WNT7B: variants seen among roughly 807,000 people sequenced by gnomAD.
WNT7B encodes protein Wnt-7b.
A neutral mutation model predicts 38.2 loss-of-function variants in WNT7B; 19 were observed. The ratio of observed to expected loss-of-function variants is 0.50; its 90% CI spans 0.35 to 0.73. The LOEUF (loss-of-function observed/expected upper bound fraction) is 0.73, where lower values mean the gene tolerates loss of function less well. WNT7B is among the 30% of genes least tolerant of loss of function. The probability of loss-of-function intolerance (pLI) is 0.01; values close to 1 mark genes in which losing one functional copy is unlikely to be tolerated. For missense variants in WNT7B, 423 were observed against 507.9 expected, an observed-to-expected ratio of 0.83 and a Z score of 1.61; for synonymous variants, 243 against 209.3, an observed-to-expected ratio of 1.16 and a Z score of -1.39.
At chr22:45,937,092 C>T (rs1931532468) in intron 2 of WNT7B, among the ~76,000 whole-genome samples, 1 of 152,188 alleles carries the variant, frequency 6.6e-6, no homozygotes, top group Non-Finnish European at 1.5e-5. Flanking sequence ...CAGGAGTCTG[C>T]AGCCTCAGTG....
chr22:45,931,000 A>C (rs1931331121), intron 3 of WNT7B, 98 bp downstream of exon 3: 1 of 1,439,086 alleles, frequency 6.9e-7, no homozygotes, highest in Admixed American at 2.7e-5. Flanking sequence ...ACGGAGACTC[A>C]ACTGCTTCTG....
chr22:45,933,296 C>T (rs1384170229), intron 2 of WNT7B, among the ~76,000 whole-genome samples: 2 of 152,228 alleles, frequency 1.3e-5, no homozygotes, highest in Admixed American at 6.5e-5. Context: ...CTCTGAGCTG[C>T]AGGCAGCACA....
chr22:45,926,711 G>C (rs1407238497), intron 3 of WNT7B: 2 of 985,198 alleles, frequency 2.0e-6, no homozygotes, highest in African/African-American at 3.5e-5. Context: ...AGTAAGTGTG[G>C]CCCTGACCTG....
chr22:45,969,168 G>A (rs1434439686), intron 1 of WNT7B, among the ~76,000 whole-genome samples: 2 of 152,242 alleles, frequency 1.3e-5, no homozygotes, highest in Non-Finnish European at 2.9e-5. Context: ...GGTGGAGCCG[G>A]GAAGAGGCCT....
At chr22:45,970,693 C>A (rs1308159828) in intron 1 of WNT7B, among the ~76,000 whole-genome samples, 1 of 152,264 alleles carries the variant, frequency 6.6e-6, no homozygotes, top group Non-Finnish European at 1.5e-5. Context: ...AAGGCTGAAA[C>A]GCCAGGATTC....
intron 2 of WNT7B, 108 bp from the exon 3 acceptor site, chr22:45,931,477 AC>A (rs760922409): frequency 1.7e-5 from 23 of 1,324,570 alleles, no homozygotes; most frequent in Middle Eastern, 2.7e-4. Flanking sequence ...TGGTTGTGTG[AC>A]CCTGGGCTCA....
intron 1 of WNT7B, chr22:45,954,669 C>A: frequency 1.0e-6 from 1 of 985,200 alleles, no homozygotes; most frequent in African/African-American, 1.7e-5. Flanking sequence ...CAGGCTCCTG[C>A]ACTGTATTTT....
intron 3 of WNT7B, chr22:45,926,557 A>G (rs1931089846): frequency 1.0e-6 from 1 of 985,340 alleles, no homozygotes; most frequent in Admixed American, 6.1e-5. Context: ...TGACCAGCCC[A>G]GGAGCCTGGC....
intron 1 of WNT7B, among the ~76,000 whole-genome samples, chr22:45,959,237 G>A (rs560338107): frequency 1.3e-5 from 2 of 152,320 alleles, no homozygotes; most frequent in South Asian, 4.1e-4. Context: ...GCTGCAGGCT[G>A]GACAGGGGGT....
At position 45,922,783 on chromosome 22, in the gene WNT7B, A is replaced by C; in HGVS notation, c.*73T>G. Reference sequence around the variant, plus strand: ...TGTCTGCTGCTGGCAGCACCAAGGCAGGGAAGGTGAGGAGTGGATGTGCAA... The same window carrying C: ...TGTCTGCTGCTGGCAGCACCAAGGCCGGGAAGGTGAGGAGTGGATGTGCAA... On this transcript the variant is annotated 3_prime_UTR_variant, in exon 4 of 4. Coordinates refer to ENST00000339464, the MANE Select transcript of WNT7B (RefSeq NM_058238.3). 1 of 1,540,312 alleles carries C rather than the reference A, an allele frequency of 6.5e-7. No homozygotes were observed. Among genetic ancestry groups the C allele is most frequent in the Non-Finnish European group, 8.8e-7 (1 of 1,141,976 alleles).
chr22:45,952,378 C>G (rs1156233513), intron 1 of WNT7B, among the ~76,000 whole-genome samples: 1 of 146,502 alleles, frequency 6.8e-6, no homozygotes, highest in Admixed American at 6.8e-5. Context: ...GCCCACTAAT[C>G]TGGCCAAGAC....
intron 3 of WNT7B, among the ~76,000 whole-genome samples, chr22:45,929,673 CT>C (rs1931245020): frequency 1.7e-5 from 2 of 119,856 alleles, no homozygotes; most frequent in African/African-American, 6.6e-5. Flanking sequence ...CCCGCCCATC[CT>C]TCCCTCCATA....
At chr22:45,934,917 G>A (rs560339686) in intron 2 of WNT7B, among the ~76,000 whole-genome samples, 3 of 152,334 alleles carry the variant, frequency 2.0e-5, no homozygotes, top group East Asian at 1.9e-4. Context: ...AGTCGCTGCC[G>A]TGGACTGTGG....
In WNT7B at chr22:45,939,780, C is replaced by T. The variant is rs149886872; in HGVS notation, c.299-8411G>A. Reference sequence around the variant, plus strand: ...GGTCAAGGTTGCAGTGAGCCATGTTCGCACCACTGCACTCCAGCCTGGGCA... The same window carrying T: ...GGTCAAGGTTGCAGTGAGCCATGTTTGCACCACTGCACTCCAGCCTGGGCA... On this transcript the variant is annotated intron_variant, in intron 2 of 3. Transcript: ENST00000339464. Among the ~76,000 whole-genome samples the T allele has an allele frequency of 1.9e-3, 289 of 152,250 alleles. 2 individuals are homozygous for T. Among genetic ancestry groups the T allele is most frequent in the African/African-American group, 6.7e-3 (277 of 41,534 alleles).
At chr22:45,961,332 T>C (rs2146745220) in intron 1 of WNT7B, among the ~76,000 whole-genome samples, 1 of 152,182 alleles carries the variant, frequency 6.6e-6, no homozygotes, top group Non-Finnish European at 1.5e-5. Context: ...CAGGGAACAA[T>C]CACCTCTCCT....
At chr22:45,950,241 G>C in intron 1 of WNT7B, 95 bp from the exon 2 acceptor site, 1 of 1,086,974 alleles carries the variant, frequency 9.2e-7, no homozygotes, top group Non-Finnish European at 1.4e-6. Context: ...CTCAGTCACA[G>C]GCCCTGCACT....
rs10453456 is a variant in WNT7B, at chr22:45,951,320, G to A, written c.72-1174C>T. ...TCGAACTCCTGACCTCAGGTCATCT[G>A]CCCGCCTCGGCCTCCCAAAATGCTG... On this transcript the variant is annotated intron_variant, in intron 1 of 3. Transcript: ENST00000339464. The surrounding 1 kb of genome is among the most constrained non-coding windows in gnomAD (Gnocchi z 4.8). Among the ~76,000 whole-genome samples the A allele has an allele frequency of 0.059, 8,971 of 151,988 alleles. 559 individuals carry two copies. The highest frequency in any genetic ancestry group is 0.16 in the African/African-American group (6,708 of 41,406).
chr22:45,926,314 G>T, intron 3 of WNT7B: 1 of 985,414 alleles, frequency 1.0e-6, no homozygotes, highest in South Asian at 4.7e-5. Flanking sequence ...AGCTCATCTT[G>T]CTCAGGGGAG....
intron 3 of WNT7B, among the ~76,000 whole-genome samples, chr22:45,930,663 T>TG (rs1159493637): frequency 1.3e-5 from 2 of 152,176 alleles, no homozygotes; most frequent in Non-Finnish European, 2.9e-5. Flanking sequence ...TCCTGCCTCC[T>TG]GGGGGCATCC....
Sources: gnomAD v4.1 joint callset for allele counts (sites outside exome capture counted in the v4.1 genomes callset) on GRCh38, gnomAD v4.1.1 for gene constraint, Gnocchi (gnomAD v3.1) non-coding constraint, MANE v1.5 for transcripts, NCBI Gene and HGNC (gene_info 2026-07-23, HGNC 2026-07-21) for gene names.